The following CLSTN2 variants were observed in gnomAD, a reference collection of about 807,000 sequenced individuals.
CLSTN2 encodes calsyntenin 2, also known as calsyntenin-2.
A neutral mutation model predicts 101.2 loss-of-function variants in CLSTN2; 48 were observed. The ratio of observed to expected loss-of-function variants is 0.47; its 90% CI spans 0.38 to 0.60. CLSTN2 has a LOEUF of 0.60. Among genes scored for constraint, CLSTN2 ranks in the 20% least tolerant of loss-of-function variants. CLSTN2 has a pLI of 0.00. For missense variants in CLSTN2, 1,160 were observed against 1,238.2 expected (o/e 0.94, Z 0.95); for synonymous variants, 481 against 463.6 (o/e 1.04, Z -0.48).
At chr3:140,010,741 A>G (rs2007055623) in intron 1 of CLSTN2, among the ~76,000 whole-genome samples, 1 of 152,256 alleles carries the variant, frequency 6.6e-6, no homozygotes, top group Non-Finnish European at 1.5e-5. Context: ...GGTCTTCAGC[A>G]TGCTAGACTT....
chr3:140,545,863 G>C (rs561825855), intron 9 of CLSTN2, among the ~76,000 whole-genome samples: 1 of 152,318 alleles, frequency 6.6e-6, no homozygotes, highest in Non-Finnish European at 1.5e-5. Context: ...AGGAATCAGG[G>C]AAGTCCTTTT....
intron 2 of CLSTN2, among the ~76,000 whole-genome samples, chr3:140,385,127 T>C (rs1158188281): frequency 2.0e-5 from 3 of 152,164 alleles, no homozygotes; most frequent in Non-Finnish European, 4.4e-5. Context: ...TGAGAGATCA[T>C]GTAGTCAGTG....
At chr3:140,326,084 G>T (rs188955038) in intron 2 of CLSTN2, among the ~76,000 whole-genome samples, 32 of 152,322 alleles carry the variant, frequency 2.1e-4, no homozygotes, top group Non-Finnish European at 4.0e-4. Flanking sequence ...CCATTTTAAT[G>T]CATTATAATA....
At chr3:139,969,643 G>T (rs967608807) in intron 1 of CLSTN2, among the ~76,000 whole-genome samples, 1 of 152,134 alleles carries the variant, frequency 6.6e-6, no homozygotes, top group African/African-American at 2.4e-5. Context: ...ACCCAACTGC[G>T]TGAGTGTCTT....
At chr3:140,346,215 A>T (rs2087544849) in intron 2 of CLSTN2, among the ~76,000 whole-genome samples, 1 of 152,216 alleles carries the variant, frequency 6.6e-6, no homozygotes, top group Non-Finnish European at 1.5e-5. Context: ...GAGCTATAAA[A>T]TTCATCAGTT....
intron 1 of CLSTN2, among the ~76,000 whole-genome samples, chr3:139,941,427 G>A (rs2042705): frequency 0.18 from 27,874 of 152,146 alleles, 3,185 homozygotes; most frequent in Admixed American, 0.31. Context: ...TCAGCCTCCT[G>A]TTATTCTCTG....
At chr3:140,510,551 A>G (rs1300634334) in intron 8 of CLSTN2, among the ~76,000 whole-genome samples, 2 of 152,204 alleles carry the variant, frequency 1.3e-5, no homozygotes, top group East Asian at 3.9e-4. Context: ...GATTTGCCCA[A>G]ATGTTGCTCA....
At chr3:140,268,736 C>T (rs913510681) in intron 2 of CLSTN2, among the ~76,000 whole-genome samples, 9 of 152,156 alleles carry the variant, frequency 5.9e-5, no homozygotes, top group Admixed American at 3.9e-4. Flanking sequence ...GTGCAACCTG[C>T]ACAACTGTAC....
intron 1 of CLSTN2, among the ~76,000 whole-genome samples, chr3:140,109,807 G>A (rs536971271): frequency 2.2e-4 from 34 of 152,212 alleles, no homozygotes; most frequent in Middle Eastern, 6.8e-3. Context: ...TGGATTTTGC[G>A]TGATCTAGTC....
At chr3:140,333,829 A>G (rs985439) in intron 2 of CLSTN2, among the ~76,000 whole-genome samples, 86,085 of 151,392 alleles carry the variant, frequency 0.57, 25,023 homozygotes, top group Non-Finnish European at 0.64. Flanking sequence ...GATTCTATAG[A>G]AAGTTGTTAG....
chr3:140,376,048 C>G (rs2087914024), intron 2 of CLSTN2, among the ~76,000 whole-genome samples: 1 of 152,188 alleles, frequency 6.6e-6, no homozygotes. Context: ...TATAATCTCC[C>G]TGTGTCACTC....
intron 9 of CLSTN2, among the ~76,000 whole-genome samples, chr3:140,542,747 A>C (rs1935509260): frequency 6.6e-6 from 1 of 152,218 alleles, no homozygotes; most frequent in Non-Finnish European, 1.5e-5. Context: ...TGCTGAGAGA[A>C]GATGGCTTAT....
chr3:140,444,290 C>T (rs1393743928), intron 5 of CLSTN2, among the ~76,000 whole-genome samples: 6 of 151,972 alleles, frequency 3.9e-5, no homozygotes, highest in African/African-American at 9.7e-5. Context: ...ATTGGCTGGG[C>T]GTGGTGGCAG....
intron 6 of CLSTN2, chr3:140,452,423 T>C (rs1933274634): frequency 1.3e-5 from 2 of 152,378 alleles, no homozygotes; most frequent in South Asian, 4.1e-4. Context: ...CTGCCCTCTA[T>C]GCACACCAGG....
chr3:139,986,514 C>T (rs1042346311), intron 1 of CLSTN2, among the ~76,000 whole-genome samples: 5 of 152,124 alleles, frequency 3.3e-5, no homozygotes, highest in African/African-American at 7.2e-5. Context: ...TTCAGTGCAA[C>T]CCTTCTGCCC....
At chr3:140,483,413 T>C (rs1225978318) in intron 8 of CLSTN2, among the ~76,000 whole-genome samples, 1 of 152,208 alleles carries the variant, frequency 6.6e-6, no homozygotes, top group Non-Finnish European at 1.5e-5. Context: ...AAAAAATGTA[T>C]ATTCTGTTGA....
chr3:140,320,720 G>A (rs908475092), intron 2 of CLSTN2, among the ~76,000 whole-genome samples: 3 of 152,024 alleles, frequency 2.0e-5, no homozygotes, highest in Non-Finnish European at 2.9e-5. Context: ...AGAAAAAAAG[G>A]ATACAGGAAC....
At chr3:140,062,035 A>G (rs1331742356) in intron 1 of CLSTN2, among the ~76,000 whole-genome samples, 2 of 152,172 alleles carry the variant, frequency 1.3e-5, no homozygotes, top group Non-Finnish European at 2.9e-5. Flanking sequence ...TATAGTTAGT[A>G]TTAATATTAA....
intron 2 of CLSTN2, among the ~76,000 whole-genome samples, chr3:140,232,919 C>T (rs2086383562): frequency 6.6e-6 from 1 of 152,134 alleles, no homozygotes; most frequent in African/African-American, 2.4e-5. Flanking sequence ...CCAGAGCCTG[C>T]TGACTGACCT....
Sources: gnomAD v4.1 joint callset for allele counts (sites outside exome capture counted in the v4.1 genomes callset) on GRCh38, gnomAD v4.1.1 for gene constraint, MANE v1.5 for transcripts, NCBI Gene and HGNC (gene_info 2026-07-23, HGNC 2026-07-21) for gene names.